WIPF3: variants seen among roughly 807,000 people sequenced by gnomAD.
WIPF3 encodes the protein WAS/WASL-interacting protein family member 3.
A neutral mutation model predicts 38.9 loss-of-function variants in WIPF3; 33 were observed. The observed-to-expected ratio is 0.85, with a 90% confidence interval of 0.64 to 1.14. WIPF3 has a LOEUF of 1.14. WIPF3 is among the 50% of genes most tolerant of loss of function. The pLI, the probability that WIPF3 is intolerant of heterozygous loss-of-function variation, is 0.00. For synonymous variants in WIPF3, 324 were observed against 269.3 expected (o/e 1.20, Z -1.99); for missense variants, 711 against 652.5 (o/e 1.09, Z -0.98).
At chr7:29,817,232 A>G (rs559534903) in intron 1 of WIPF3, among the ~76,000 whole-genome samples, 4 of 152,316 alleles carry the variant, frequency 2.6e-5, no homozygotes, top group Admixed American at 6.5e-5. Flanking sequence ...TAGAGAAGAT[A>G]AAACAGCCAT....
At chr7:29,894,907 G>A (rs1010262428) in intron 7 of WIPF3, among the ~76,000 whole-genome samples, 6 of 125,540 alleles carry the variant, frequency 4.8e-5, no homozygotes, top group African/African-American at 1.6e-4. Flanking sequence ...TTTGTGTTTT[G>A]TGTGTGTTGT....
At chr7:29,870,497 A>G (rs917582230) in intron 2 of WIPF3, among the ~76,000 whole-genome samples, 8 of 152,144 alleles carry the variant, frequency 5.3e-5, no homozygotes, top group African/African-American at 1.9e-4. Flanking sequence ...GAATAAGGAA[A>G]AGGGATGAGT....
intron 8 of WIPF3, among the ~76,000 whole-genome samples, chr7:29,913,339 C>G (rs1267576869): frequency 1.8e-5 from 2 of 108,930 alleles, no homozygotes; most frequent in African/African-American, 7.2e-5. Flanking sequence ...GAGTGAAACT[C>G]CGTCTCAAAA....
At chr7:29,853,923 A>G (rs12112207) in intron 2 of WIPF3, among the ~76,000 whole-genome samples, 1,973 of 152,330 alleles carry the variant, frequency 0.013, 33 homozygotes, top group African/African-American at 0.045. Flanking sequence ...GTGAACCGGT[A>G]AAACAAAAGC....
intron 2 of WIPF3, among the ~76,000 whole-genome samples, chr7:29,873,393 G>A (rs1386749675): frequency 3.3e-5 from 5 of 152,116 alleles, no homozygotes; most frequent in Admixed American, 3.3e-4. Flanking sequence ...CAAATTCCCT[G>A]ACCATAATGC....
At chr7:29,838,723 T>C (rs552515807) in intron 2 of WIPF3, among the ~76,000 whole-genome samples, 1 of 152,302 alleles carries the variant, frequency 6.6e-6, no homozygotes, top group South Asian at 2.1e-4. Flanking sequence ...CCTAGGTAGA[T>C]ATCCAAGAGA....
At chr7:29,904,483 A>T in intron 8 of WIPF3, 121 bp downstream of exon 8, 1 of 962,504 alleles carries the variant, frequency 1.0e-6, no homozygotes, top group South Asian at 1.5e-5. Flanking sequence ...CCTTTTCCTC[A>T]GGGAAAGCCA....
chr7:29,889,003 C>A (rs1032635275), intron 6 of WIPF3, among the ~76,000 whole-genome samples: 2 of 152,150 alleles, frequency 1.3e-5, no homozygotes, highest in Admixed American at 6.5e-5. Context: ...CTGGAGAGCC[C>A]CATGCCACTT....
intron 8 of WIPF3, among the ~76,000 whole-genome samples, chr7:29,913,215 G>A (rs746973956): frequency 6.6e-5 from 10 of 151,962 alleles, no homozygotes; most frequent in Non-Finnish European, 1.5e-4. Context: ...GCATGGTGGC[G>A]CATATCTGTA....
At chr7:29,813,640 A>G (rs1363905410) in intron 1 of WIPF3, among the ~76,000 whole-genome samples, 1 of 152,224 alleles carries the variant, frequency 6.6e-6, no homozygotes, top group Non-Finnish European at 1.5e-5. Flanking sequence ...ATAATGCTAC[A>G]GCAGTTTTTT....
At chr7:29,830,244 C>T (rs1487768975) in intron 1 of WIPF3, among the ~76,000 whole-genome samples, 1 of 151,642 alleles carries the variant, frequency 6.6e-6, no homozygotes, top group Non-Finnish European at 1.5e-5. Flanking sequence ...AAAGATAAAA[C>T]TAGACGGAAA....
Position 29,823,746 on chromosome 7 carries a change from A to G in WIPF3, c.-57-10922A>G, listed in dbSNP as rs956142747. Among the ~76,000 whole-genome samples the G allele has an allele frequency of 2.0e-5, 3 of 152,204 alleles. No individual in the cohort carries two copies. The highest frequency in any genetic ancestry group is 2.9e-5 in the Non-Finnish European group (2 of 68,024). ...ATTATTGGTTTAGTGCCATCCCCTC[A>G]TCGTTGCTCTTGTGATGTTGAGTGA... On this transcript the variant is annotated intron_variant, in intron 1 of 8. Transcript: ENST00000242140. This position sits in a 1 kb window ranked among gnomAD's most constrained non-coding sequence, Gnocchi z 4.0.
In WIPF3 at chr7:29,806,594, A is replaced by C. The variant is rs1448892266; in HGVS notation, c.-142A>C. 6.6e-6 allele frequency: 1 copy of C among 151,252 alleles called. No individual in the cohort carries two copies. Among genetic ancestry groups the C allele is most frequent in the Non-Finnish European group, 1.5e-5 (1 of 67,822 alleles). The allele number at this position is 151,252 out of a possible 1,614,324, so 9.4% of individuals were successfully genotyped here. On this transcript the variant is annotated 5_prime_UTR_variant, in exon 1 of 9. Coordinates refer to ENST00000242140, the MANE Select transcript of WIPF3 (RefSeq NM_001080529.3). ...CCGCTTGGAGCACGGGCGCTGCGGG[A>C]CGGAGCCCGGAGCCGGAGGCGGCGG...
At chr7:29,902,265 C>CTTTTTTTTTTTTTTTTT (rs141174377) in intron 7 of WIPF3, among the ~76,000 whole-genome samples, 41 of 116,404 alleles carry the variant, frequency 3.5e-4, no homozygotes, top group East Asian at 6.1e-4. Flanking sequence ...TTTTCTTCTT[C>CTTTTTTTTTTTTTTTTT]TTCTTCTTCT....
intron 1 of WIPF3, among the ~76,000 whole-genome samples, chr7:29,820,801 T>A (rs1475267759): frequency 6.6e-6 from 1 of 152,222 alleles, no homozygotes. Flanking sequence ...TTTATTCTCT[T>A]TAAAGATATT....
intron 2 of WIPF3, among the ~76,000 whole-genome samples, chr7:29,837,420 A>G (rs1444830408): frequency 2.0e-5 from 3 of 152,242 alleles, no homozygotes; most frequent in African/African-American, 4.8e-5. Flanking sequence ...ACTACTTAAT[A>G]TATGTAATAA....
At chr7:29,900,589 T>G (rs1051570801) in intron 7 of WIPF3, among the ~76,000 whole-genome samples, 7 of 152,182 alleles carry the variant, frequency 4.6e-5, no homozygotes, top group Admixed American at 4.6e-4. Context: ...AGGCCAGATA[T>G]GCAGTCTCTA....
At chr7:29,882,248 T>C (rs565174867) in intron 4 of WIPF3, among the ~76,000 whole-genome samples, 5 of 152,366 alleles carry the variant, frequency 3.3e-5, no homozygotes, top group African/African-American at 1.2e-4. Context: ...GGGTAGGCTT[T>C]GCTCTGTTTT....
In WIPF3 at chr7:29,879,001, C is replaced by T. The variant is rs1785662079; in HGVS notation, c.224-8C>T. 6.3e-7 allele frequency: 1 copy of T among 1,591,348 alleles called. No homozygotes were observed. The highest frequency in any genetic ancestry group is 1.3e-5 in the African/African-American group (1 of 74,616). On this transcript the variant is annotated splice_polypyrimidine_tract_variant and splice_region_variant and intron_variant, in intron 3 of 8. Transcript: ENST00000242140. ...AAGTCCTTGCCTATTTGTGTCTTCT[C>T]TCTAAAGGTTCTAAAGGAACCAACA...
Sources: allele counts gnomAD v4.1 joint callset (sites outside exome capture counted in the v4.1 genomes callset), GRCh38; gene constraint gnomAD v4.1.1; non-coding constraint Gnocchi (gnomAD v3.1); transcripts MANE v1.5; gene names NCBI Gene and HGNC (gene_info 2026-07-23, HGNC 2026-07-21).